SIX5: variants seen among roughly 807,000 people sequenced by gnomAD.
SIX5 encodes the protein SIX homeobox 5, also known as homeobox protein SIX5.
SIX5 carries 21 observed loss-of-function variants against 37.1 expected under a neutral mutation model. The ratio of observed to expected loss-of-function variants is 0.57; its 90% CI spans 0.40 to 0.81. The LOEUF (loss-of-function observed/expected upper bound fraction) is 0.81, where lower values mean the gene tolerates loss of function less well. Among genes scored for constraint, SIX5 ranks in the 40% least tolerant of loss-of-function variants. SIX5 has a pLI of 0.00. For missense variants in SIX5, 1,137 were observed against 1,025.1 expected (o/e 1.11, Z -1.49); for synonymous variants, 626 against 505.9 (o/e 1.24, Z -3.19).
rs1376440650 is a variant in SIX5, at chr19:45,766,407, G to C, written c.1552C>G (p.Leu518Val). 6.3e-7 allele frequency: 1 copy of C among 1,583,864 alleles called. No individual in the cohort carries two copies. Among genetic ancestry groups the C allele is most frequent in the African/African-American group, 1.3e-5 (1 of 74,174 alleles). Residue 518 changes from leucine (L) to valine (V), a missense_variant, in exon 2 of 3, where the codon CTC becomes GTC. This residue lies in a region of SIX5 where 787 missense variants were observed against 621.4 expected (regional missense o/e 1.27). Transcript: ENST00000317578. ...GTCACGCCCACCCCGGAGTTGATGAGGTGCACATTGGCAGGGCCTGCTGCA... is the reference window on the plus strand; with the variant it reads ...GTCACGCCCACCCCGGAGTTGATGACGTGCACATTGGCAGGGCCTGCTGCA... ...AAAAGPANVH[L>V]INSGVGVTAL...
chr19:45,767,491 A>G (rs773311327), intron 1 of SIX5, among the ~76,000 whole-genome samples: 38 of 152,206 alleles, frequency 2.5e-4, no homozygotes, highest in Non-Finnish European at 3.8e-4. Flanking sequence ...CCGCCAGCCC[A>G]GTTCCCGGTG....
In SIX5 at chr19:45,768,302, G is replaced by T. The variant is rs372584912; in HGVS notation, c.543C>A (p.Gly181=). Residue 181 remains glycine, a synonymous_variant, in exon 1 of 3, where the codon GGC becomes GGA. Coordinates refer to ENST00000317578, the MANE Select transcript of SIX5 (RefSeq NM_175875.5). ...TGCGCAGTCGATACTTGTCCACTGC[G>T]CCAAGCGCGCGGCCGCGGGCCCGCT... is the stretch of plus-strand genomic sequence containing the variant. ...EAERARGRAL[G]AVDKYRLRKK... is the part of the protein sequence containing the mutation. 58 of 1,610,590 alleles carry T rather than the reference G, an allele frequency of 3.6e-5. 1 individual carries two copies. In the African/African-American group the frequency reaches 6.4e-4, roughly 18 times the overall value.
Position 45,765,769 on chromosome 19 carries a change from G to A in SIX5, c.1952C>T (p.Pro651Leu). ...PGLLPNFPAPPPEGLMLSPAA... is the reference protein window; with the variant it reads ...PGLLPNFPAPLPEGLMLSPAA... ...GGGTGACAACATCAGCCCCTCTGGT[G>A]GGGGCGCCGGGAAGTTGGGCAGGAG... The change falls in exon 3 of 3, where the codon CCA (proline) becomes CTA (leucine). Residue 651 changes from proline (P) to leucine (L), a missense_variant. Physicochemically the swap from Pro to Leu is moderately conservative, Grantham distance 98. Around this residue, in one of 3 missense-constraint regions of SIX5, gnomAD observed 787 missense variants for 621.4 expected, o/e 1.27. Coordinates refer to ENST00000317578, the MANE Select transcript of SIX5 (RefSeq NM_175875.5). 6.2e-7 allele frequency: 1 copy of A among 1,609,042 alleles called. No individual in the cohort carries two copies. The highest frequency in any genetic ancestry group is 8.5e-7 in the Non-Finnish European group (1 of 1,179,940).
chr19:45,768,307 G>C lies in SIX5; in HGVS notation c.538C>G (p.Leu180Val). Reference sequence around the variant, plus strand: ...AGTCGATACTTGTCCACTGCGCCAAGCGCGCGGCCGCGGGCCCGCTCGGCC... The same window carrying C: ...AGTCGATACTTGTCCACTGCGCCAACCGCGCGGCCGCGGGCCCGCTCGGCC... Reference protein sequence around the residue: ...HEAERARGRALGAVDKYRLRK... With the variant: ...HEAERARGRAVGAVDKYRLRK... The change falls in exon 1 of 3, where the codon CTT (leucine) becomes GTT (valine). Residue 180 changes from leucine to valine, a missense_variant. By Grantham distance (32) the Leu-to-Val change is conservative (BLOSUM62 1). This residue lies in a region of SIX5 where 331 missense variants were observed against 360.9 expected (regional missense o/e 0.92). Coordinates refer to ENST00000317578, the MANE Select transcript of SIX5 (RefSeq NM_175875.5). 1 of 1,609,778 alleles carries C rather than the reference G, an allele frequency of 6.2e-7. No homozygotes were observed.
chr19:45,766,711 G>A lies in SIX5; in HGVS notation c.1248C>T (p.Ala416=). The A allele has an allele frequency of 6.4e-7, 1 of 1,554,152 alleles. No individual in the cohort carries two copies. Among genetic ancestry groups the A allele is most frequent in the Non-Finnish European group, 8.7e-7 (1 of 1,152,048 alleles). The part of the protein sequence containing the change: ...KGAQVAAPGP[A]LGEEVLGPLA... ...GGGGCCCCAGGACCTCCTCTCCAAG[G>A]GCTGGTCCCGGAGCAGCCACCTGGG... The change falls in exon 2 of 3, where the codon GCC becomes GCT. Residue 416 remains alanine (A), a synonymous_variant. Transcript: ENST00000317578.
Position 45,768,217 on chromosome 19 carries a change from C to T in SIX5, c.628G>A (p.Glu210Lys), listed in dbSNP as rs368394856. ...GCCTTGAGCGCTGCGCGGGAGCGCT[C>T]CTTGAAGCAGTAGACTGTCTCCTCG... ...DGEETVYCFK[E>K]RSRAALKACY... is the part of the protein sequence containing the mutation. The change falls in exon 1 of 3, where the codon GAG becomes AAG. Residue 210 changes from glutamate (E) to lysine (K), a missense_variant. Around this residue, in one of 3 missense-constraint regions of SIX5, gnomAD observed 331 missense variants for 360.9 expected, o/e 0.92. Transcript: ENST00000317578. 63 of 1,613,224 alleles carry T rather than the reference C, an allele frequency of 3.9e-5. No individual in the cohort carries two copies. The highest frequency in any genetic ancestry group is 6.7e-5 in the Admixed American group (4 of 59,964).
rs541507866 is a variant in SIX5 at position 45,765,432 on chromosome 19, TC to T, written c.*68del. The T allele has an allele frequency of 2.6e-4, 422 of 1,607,656 alleles. 3 individuals carry two copies. In the African/African-American group the frequency reaches 4.2e-3, roughly 16 times the overall value. On this transcript the variant is annotated 3_prime_UTR_variant, in exon 3 of 3. Coordinates refer to ENST00000317578, the MANE Select transcript of SIX5 (RefSeq NM_175875.5). ...TCTTCAGCAACCGCATTTCTGGGGCTCCCCCCTCCCATTCCTGTCCCTGCGT... is the reference window on the plus strand; with the variant it reads ...TCTTCAGCAACCGCATTTCTGGGGCTCCCCCTCCCATTCCTGTCCCTGCGT...
chr19:45,765,337 C>G lies in SIX5; in HGVS notation c.*164G>C, dbSNP rs931303032. 4.2e-6 allele frequency: 4 copies of G among 953,392 alleles called. No homozygotes were observed. Among genetic ancestry groups the G allele is most frequent in the Non-Finnish European group, 6.7e-6 (4 of 600,916 alleles). The allele number at this position is 953,392 out of a possible 1,614,324, so 59.1% of individuals were successfully genotyped here. A position where few individuals can be genotyped will look rare whatever the true frequency, so the allele number is the denominator to read the frequency against. ...GATGGAGACCTGGACAGGAGGTGGC[C>G]GGGGATACAACCCCCAGCACCACCA... On this transcript the variant is annotated 3_prime_UTR_variant, in exon 3 of 3. Coordinates refer to ENST00000317578, the MANE Select transcript of SIX5 (RefSeq NM_175875.5).
rs778452631 is a variant in SIX5 at position 45,766,404 on chromosome 19, T to A, written c.1555A>T (p.Ile519Phe). 33 of 1,586,630 alleles carry A rather than the reference T, an allele frequency of 2.1e-5. No individual in the cohort carries two copies. Among genetic ancestry groups the A allele is most frequent in the Non-Finnish European group, 2.6e-5 (30 of 1,167,798 alleles). The change falls in exon 2 of 3, where the codon ATC becomes TTC. Residue 519 changes from isoleucine to phenylalanine, a missense_variant. Physicochemically the swap from Ile to Phe is conservative, Grantham distance 21. Transcript: ENST00000317578. ...GCAGTCACGCCCACCCCGGAGTTGA[T>A]GAGGTGCACATTGGCAGGGCCTGCT... ...AAAGPANVHL[I>F]NSGVGVTALQ... is the part of the protein sequence containing the mutation.
Position 45,765,466 on chromosome 19 carries a change from A to C in SIX5, c.*35T>G, listed in dbSNP as rs1019906076. 6.2e-7 allele frequency: 1 copy of C among 1,612,752 alleles called. No individual in the cohort carries two copies. On this transcript the variant is annotated 3_prime_UTR_variant, in exon 3 of 3. Coordinates refer to ENST00000317578, the MANE Select transcript of SIX5 (RefSeq NM_175875.5). ...CCATTCCTGTCCCTGCGTCTTCAGC[A>C]CCAATGTCGGGAGAGGCCACGGGGC...
Position 45,764,883 on chromosome 19 carries a change from G to C in SIX5, c.*618C>G, listed in dbSNP as rs1969033238. ...GGATACAAAGGAGACACAGCGGCAG[G>C]GCTGCCCCCAGGGATGAGGGAATCT... is the stretch of plus-strand genomic sequence containing the variant. On this transcript the variant is annotated 3_prime_UTR_variant, in exon 3 of 3. Coordinates refer to ENST00000317578, the MANE Select transcript of SIX5 (RefSeq NM_175875.5). 1 of 162,068 alleles carries C rather than the reference G, an allele frequency of 6.2e-6. No individual in the cohort carries two copies. The highest frequency in any genetic ancestry group is 2.4e-5 in the African/African-American group (1 of 41,606). The allele number at this position is 162,068 out of a possible 1,614,324, so 10.0% of individuals were successfully genotyped here.
Position 45,765,609 on chromosome 19 carries a change from C to T in SIX5, c.2112G>A (p.Leu704=), listed in dbSNP as rs745668252. The T allele has an allele frequency of 6.2e-6, 10 of 1,612,568 alleles. No individual in the cohort carries two copies. ...LRLPDPDPEG[L]LLGATAGGEV... The stretch of plus-strand genomic sequence containing the variant: ...CACCCCCTGCGGTGGCCCCCAGGAG[C>T]AGCCCCTCAGGGTCGGGGTCTGGCA... The change falls in exon 3 of 3, where the codon CTG becomes CTA. Residue 704 remains leucine (L), a synonymous_variant. Coordinates refer to ENST00000317578, the MANE Select transcript of SIX5 (RefSeq NM_175875.5).
At chr19:45,767,999 T>A (rs1228918941) in intron 1 of SIX5, 43 bp downstream of exon 1, 1 of 1,574,110 alleles carries the variant, frequency 6.4e-7, no homozygotes, top group African/African-American at 1.3e-5. Flanking sequence ...GTGGACGGGA[T>A]GTCCCCGGGA....
chr19:45,768,143 C>A lies in SIX5; in HGVS notation c.702G>T (p.Leu234=). The change falls in exon 1 of 3, where the codon CTG becomes CTT. Residue 234 remains leucine (L), a synonymous_variant. Transcript: ENST00000317578. ...RYPTPDEKRR[L]ATLTGLSLTQ... is the part of the protein sequence containing the mutation. ...TGAGCGACAGGCCGGTGAGTGTGGC[C>A]AGGCGGCGCTTCTCGTCCGGCGTGG... 3 of 1,611,112 alleles carry A rather than the reference C, an allele frequency of 1.9e-6. No individual in the cohort carries two copies.
Position 45,768,036 on chromosome 19 carries a change from C to A in SIX5, c.803+6G>T. 6.3e-7 allele frequency: 1 copy of A among 1,594,058 alleles called. No homozygotes were observed. The highest frequency in any genetic ancestry group is 8.5e-7 in the Non-Finnish European group (1 of 1,177,828). ...AGCTGGACTTGCGCCGCCCGAGGCC[C>A]CTCACCTCTTGCAGGGCGCGCCGCC... On this transcript the variant is annotated splice_donor_region_variant and intron_variant, in intron 1 of 2. Coordinates refer to ENST00000317578, the MANE Select transcript of SIX5 (RefSeq NM_175875.5).
chr19:45,764,827 G>A lies in SIX5; in HGVS notation c.*674C>T, dbSNP rs1164009136. The A allele has an allele frequency of 1.9e-5, 3 of 156,522 alleles. No homozygotes were observed. Among genetic ancestry groups the A allele is most frequent in the Non-Finnish European group, 4.3e-5 (3 of 70,354 alleles). 9.7% of individuals were successfully genotyped at this position (156,522 alleles called of 1,614,324 possible). On this transcript the variant is annotated 3_prime_UTR_variant, in exon 3 of 3. Transcript: ENST00000317578. ...AACTTTATTTTAATTGAAAATGGAGGCATAACATGTCCTAGAAAAATAAAG... is the reference window on the plus strand; with the variant it reads ...AACTTTATTTTAATTGAAAATGGAGACATAACATGTCCTAGAAAAATAAAG...
In SIX5 at chr19:45,768,725, C is replaced by T; in HGVS notation, c.120G>A (p.Gln40=). 2 of 1,457,184 alleles carry T rather than the reference C, an allele frequency of 1.4e-6. No homozygotes were observed. The highest frequency in any genetic ancestry group is 1.8e-6 in the Non-Finnish European group (2 of 1,109,348). The allele number at this position is 1,457,184 out of a possible 1,614,324, so 90.3% of individuals were successfully genotyped here. The part of the protein sequence containing the change: ...EEARQLLQTL[Q]AAEGEAAAAA... ...CCGCCGCCGCCTCACCCTCGGCCGC[C>T]TGCAAAGTCTGCAAGAGCTGGCGCG... Residue 40 remains glutamine, a synonymous_variant, in exon 1 of 3, where the codon CAG becomes CAA. Transcript: ENST00000317578.
At position 45,765,806 on chromosome 19, in the gene SIX5, C is replaced by T; in HGVS notation, c.1915G>A (p.Asp639Asn). 2 of 1,604,278 alleles carry T rather than the reference C, an allele frequency of 1.2e-6. No homozygotes were observed. Residue 639 changes from aspartate to asparagine, a missense_variant, in exon 3 of 3, where the codon GAC becomes AAC. Physicochemically the swap from Asp to Asn is conservative, Grantham distance 23. This residue lies in a region of SIX5 where 787 missense variants were observed against 621.4 expected (regional missense o/e 1.27). Coordinates refer to ENST00000317578, the MANE Select transcript of SIX5 (RefSeq NM_175875.5). The stretch of plus-strand genomic sequence containing the variant: ...AAGTTGGGCAGGAGGCCAGGGGAGT[C>T]AGGGGAGAAGGGCAGGCTGGTGCTG... ...TSSTSLPFSP[D>N]SPGLLPNFPA...
chr19:45,767,560 G>A (rs887664358), intron 1 of SIX5, among the ~76,000 whole-genome samples: 3 of 152,216 alleles, frequency 2.0e-5, no homozygotes, highest in African/African-American at 4.8e-5. Flanking sequence ...GAGGAGAAGG[G>A]TTTGGGTTAC....
Sources: gnomAD v4.1 joint callset for allele counts (sites outside exome capture counted in the v4.1 genomes callset) on GRCh38, gnomAD v4.1.1 for gene constraint, gnomAD v4.1.1 regional missense constraint, MANE v1.5 for transcripts, NCBI Gene and HGNC (gene_info 2026-07-23, HGNC 2026-07-21) for gene names.